Variants in GOLGA3 observed in about 807,000 individuals in gnomAD.
GOLGA3 encodes the protein golgin A3.
A neutral mutation model predicts 169.4 loss-of-function variants in GOLGA3; 75 were observed. The observed-to-expected ratio is 0.44, with a 90% CI of 0.37 to 0.54. The LOEUF (loss-of-function observed/expected upper bound fraction) is 0.54. GOLGA3 is among the 20% of genes least tolerant of loss of function. The probability of loss-of-function intolerance (pLI) is 0.00; values close to 1 mark genes in which losing one functional copy is unlikely to be tolerated. For synonymous variants in GOLGA3, 824 were observed against 822.4 expected, an observed-to-expected ratio of 1.00 and a Z score of -0.03; for missense variants, 1,899 against 1,930.0, an observed-to-expected ratio of 0.98 and a Z score of 0.30.
At chr12:132,813,284 T>C in intron 4 of GOLGA3, 23 bp downstream of exon 4, 1 of 1,495,146 alleles carries the variant, frequency 6.7e-7, no homozygotes, top group Non-Finnish European at 9.3e-7. Context: ...TTCCATGAGC[T>C]TGTTCGGGAG....
chr12:132,788,962 A>AGACACAGGCCCCG, intron 13 of GOLGA3, 65 bp downstream of exon 13: 1 of 310,608 alleles, frequency 3.2e-6, no homozygotes, highest in Non-Finnish European at 4.7e-6. Flanking sequence ...CACAGGCCCC[A>AGACACAGGCCCCG]CCCTCCCGAC....
At chr12:132,783,800 G>A in intron 16 of GOLGA3, 2 of 770,894 alleles carry the variant, frequency 2.6e-6, no homozygotes. Flanking sequence ...CTGGTCTCGA[G>A]CTCCTAACCT....
chr12:132,802,094 TC>T, intron 7 of GOLGA3, 125 bp from the exon 8 acceptor site: 1 of 711,044 alleles, frequency 1.4e-6, no homozygotes, highest in Non-Finnish European at 2.4e-6. Flanking sequence ...TTCCGGTTAT[TC>T]CCCATAGCTG....
intron 16 of GOLGA3, chr12:132,783,860 G>C (rs1255713161): frequency 6.4e-6 from 9 of 1,414,030 alleles, no homozygotes; most frequent in African/African-American, 1.4e-5. Flanking sequence ...ACAGGCATGA[G>C]CCACTCGCCT....
intron 6 of GOLGA3, among the ~76,000 whole-genome samples, chr12:132,806,525 G>A (rs886607914): frequency 1.3e-5 from 2 of 152,208 alleles, no homozygotes; most frequent in Admixed American, 6.5e-5. Context: ...GGCAAGCTCC[G>A]GACACTGTGA....
chr12:132,786,285 T>C, intron 15 of GOLGA3, 54 bp downstream of exon 15: 10 of 1,258,494 alleles, frequency 7.9e-6, no homozygotes, highest in Non-Finnish European at 1.1e-5. Context: ...GGAGAGCCCT[T>C]CCCTGCACTG....
chr12:132,796,226 G>A lies in GOLGA3; in HGVS notation c.2101-6C>T, dbSNP rs1212381063. ...TGGAGTAAAGTCAACTTCACCTGGAGAAGGAATGAAGCCCACATGGCTGCG... is the reference window on the plus strand; with the variant it reads ...TGGAGTAAAGTCAACTTCACCTGGAAAAGGAATGAAGCCCACATGGCTGCG... On this transcript the variant is annotated splice_polypyrimidine_tract_variant and splice_region_variant and intron_variant, in intron 10 of 23. Coordinates refer to ENST00000450791, the MANE Select transcript of GOLGA3 (RefSeq NM_001389683.1). The A allele has an allele frequency of 6.3e-7, 1 of 1,581,574 alleles. No individual in the cohort carries two copies. The highest frequency in any genetic ancestry group is 1.1e-5 in the South Asian group (1 of 89,792).
At chr12:132,822,334 T>A in intron 1 of GOLGA3, 23 bp from the exon 2 acceptor site, 1 of 1,252,412 alleles carries the variant, frequency 8.0e-7, no homozygotes, top group East Asian at 3.2e-5. Flanking sequence ...AGAGACAAAA[T>A]GTATTATGAA....
rs930515340 is a variant in GOLGA3 at position 132,807,947 on chromosome 12, G to T, written c.1122C>A (p.Asp374Glu). The T allele has an allele frequency of 6.2e-7, 1 of 1,613,152 alleles. No individual in the cohort carries two copies. Among genetic ancestry groups the T allele is most frequent in the Non-Finnish European group, 8.5e-7 (1 of 1,179,814 alleles). Residue 374 changes from aspartate (D) to glutamate (E), a missense_variant, in exon 5 of 24, where the codon GAC (aspartate) becomes GAA (glutamate). Transcript: ENST00000450791. ...CCTCCCCGTTGACCTCCTGCCCCTG[G>T]TCTTGGTGCTCAGCGGCTGCGGCCT... ...VLQAAAAEHQ[D>E]QGQEVNGEVR...
chr12:132,820,130 C>T (rs1025878911), intron 2 of GOLGA3, among the ~76,000 whole-genome samples: 9 of 151,746 alleles, frequency 5.9e-5, no homozygotes, highest in Non-Finnish European at 1.3e-4. Flanking sequence ...GAGCCGAGAT[C>T]GCACCATTGC....
Position 132,813,425 on chromosome 12 carries a change from G to C in GOLGA3, c.407-6C>G, listed in dbSNP as rs555103680. On this transcript the variant is annotated splice_polypyrimidine_tract_variant and splice_region_variant and intron_variant, in intron 3 of 23. Coordinates refer to ENST00000450791, the MANE Select transcript of GOLGA3 (RefSeq NM_001389683.1). The stretch of plus-strand genomic sequence containing the variant: ...CAGGGGAGAATCTGTAGAGCCTGCA[G>C]TGGGAAAAGGGCAATTTGGAAACTC... 1 of 1,526,202 alleles carries C rather than the reference G, an allele frequency of 6.6e-7. No individual in the cohort carries two copies. The highest frequency in any genetic ancestry group is 1.8e-5 in the Admixed American group (1 of 55,012). 94.5% of individuals were successfully genotyped at this position (1,526,202 alleles called of 1,614,324 possible). A position where few individuals can be genotyped will look rare whatever the true frequency, so the allele number is the denominator to read the frequency against.
In GOLGA3 at chr12:132,789,096, G is replaced by A. The variant is rs748291816; in HGVS notation, c.2742C>T (p.His914=). ...GGAGATGCCCTTCAAGGTCCGCCAT[G>A]TGCTGACGGACCTGGGCCACCTCTC... is the stretch of plus-strand genomic sequence containing the variant. The part of the protein sequence containing the change: ...LHREVAQVRQ[H]MADLEGHLQS... Residue 914 remains histidine, a synonymous_variant, in exon 13 of 24, where the codon CAC becomes CAT. Transcript: ENST00000450791. The A allele has an allele frequency of 1.9e-6, 3 of 1,613,160 alleles. No individual in the cohort carries two copies. In the Admixed American group the frequency reaches 5.0e-5, roughly 27 times the overall value.
chr12:132,777,068 G>C lies in GOLGA3; in HGVS notation c.3745C>G (p.Gln1249Glu), dbSNP rs2045287382. ...TCTGCTTGGAACTGTGCTATCTCCT[G>C]GGAATGTTTCCCCTCCCGAATCCTA... ...DLQIREGKHS[Q>E]EIAQFQAELA... The change falls in exon 20 of 24, where the codon CAG (glutamine) becomes GAG (glutamate). Residue 1249 changes from glutamine to glutamate, a missense_variant. Gln to Glu is a conservative substitution (Grantham distance 29). Coordinates refer to ENST00000450791, the MANE Select transcript of GOLGA3 (RefSeq NM_001389683.1). The surrounding 1 kb of genome is among the most constrained non-coding windows in gnomAD (Gnocchi z 4.7). 1 of 1,598,064 alleles carries C rather than the reference G, an allele frequency of 6.3e-7. No homozygotes were observed. Among genetic ancestry groups the C allele is most frequent in the African/African-American group, 1.4e-5 (1 of 73,900 alleles).
Position 132,774,206 on chromosome 12 carries a change from C to A in GOLGA3, c.4258G>T (p.Val1420Leu), listed in dbSNP as rs142000244. Residue 1420 changes from valine (V) to leucine (L), a missense_variant, in exon 23 of 24, where the codon GTG (valine) becomes TTG (leucine). Physicochemically the swap from Val to Leu is conservative, Grantham distance 32 (BLOSUM62 1). Transcript: ENST00000450791. ...LEELLRPPPAVSKEPLKNLNS... is the reference protein window; with the variant it reads ...LEELLRPPPALSKEPLKNLNS... ...AGGTTCTTGAGGGGCTCCTTGCTCACGGCGGGCGGTGGTCTCAGCAGCTCC... is the reference window on the plus strand; with the variant it reads ...AGGTTCTTGAGGGGCTCCTTGCTCAAGGCGGGCGGTGGTCTCAGCAGCTCC... 1.2e-6 allele frequency: 2 copies of A among 1,608,800 alleles called. No homozygotes were observed. The highest frequency in any genetic ancestry group is 4.5e-5 in the East Asian group (2 of 44,854).
At chr12:132,793,015 C>G (rs561916483) in intron 11 of GOLGA3, among the ~76,000 whole-genome samples, 1 of 110,794 alleles carries the variant, frequency 9.0e-6, no homozygotes, top group Non-Finnish European at 1.9e-5. Context: ...CCGCACGGGA[C>G]CCGCACTCGG....
intron 18 of GOLGA3, among the ~76,000 whole-genome samples, chr12:132,780,000 G>C (rs376016808): frequency 3.4e-4 from 41 of 121,944 alleles, no homozygotes; most frequent in African/African-American, 1.3e-3. Context: ...ACACACCCCA[G>C]GCACACACGT....
intron 8 of GOLGA3, among the ~76,000 whole-genome samples, chr12:132,800,077 C>T (rs1330047512): frequency 6.6e-5 from 10 of 152,180 alleles, no homozygotes; most frequent in Admixed American, 5.9e-4. Context: ...GCTTGGCCTA[C>T]GTCTTTAAAT....
At chr12:132,806,334 G>A (rs886636271) in intron 6 of GOLGA3, among the ~76,000 whole-genome samples, 10 of 152,190 alleles carry the variant, frequency 6.6e-5, no homozygotes, top group Non-Finnish European at 1.3e-4. Context: ...TGCATCCGAC[G>A]GAGGGAGGCT....
chr12:132,823,024 C>A (rs1366902203), intron 1 of GOLGA3, among the ~76,000 whole-genome samples: 1 of 152,236 alleles, frequency 6.6e-6, no homozygotes, highest in Non-Finnish European at 1.5e-5. Context: ...CCCACCCCTT[C>A]AGGTTGGACA....
Sources: allele counts gnomAD v4.1 joint callset (sites outside exome capture counted in the v4.1 genomes callset), GRCh38; gene constraint gnomAD v4.1.1; non-coding constraint Gnocchi (gnomAD v3.1); transcripts MANE v1.5; gene names NCBI Gene and HGNC (gene_info 2026-07-23, HGNC 2026-07-21).